TAFA2: variants seen among roughly 807,000 people sequenced by gnomAD.
The protein encoded by TAFA2 is chemokine-like protein TAFA-2.
Under a neutral mutation model 18.8 loss-of-function variants are expected in TAFA2, and 7 were observed. That is an observed-to-expected ratio of 0.37 (90% CI 0.21 to 0.70). The LOEUF (loss-of-function observed/expected upper bound fraction) is 0.70, where lower values mean the gene tolerates loss of function less well. Ranked by LOEUF, TAFA2 falls within the 30% of genes least tolerant of loss-of-function variation. The probability of loss-of-function intolerance (pLI) is 0.53; values close to 1 mark genes in which losing one functional copy is unlikely to be tolerated. For missense variants in TAFA2, 122 were observed against 158.1 expected, an observed-to-expected ratio of 0.77 and a Z score of 1.23; for synonymous variants, 60 against 54.2, an observed-to-expected ratio of 1.11 and a Z score of -0.47.
At chr12:62,108,596 CCCA>C (rs1388608397) in intron 1 of TAFA2, among the ~76,000 whole-genome samples, 3 of 152,200 alleles carry the variant, frequency 2.0e-5, no homozygotes, top group Non-Finnish European at 4.4e-5. Context: ...AATTTACACT[CCCA>C]CCAACAGTGT....
At chr12:61,912,043 G>C (rs1400589552) in intron 1 of TAFA2, among the ~76,000 whole-genome samples, 3 of 152,164 alleles carry the variant, frequency 2.0e-5, no homozygotes, top group Non-Finnish European at 4.4e-5. Flanking sequence ...AATTTATCAA[G>C]TGCCTGTGTG....
intron 2 of TAFA2, among the ~76,000 whole-genome samples, chr12:61,790,598 AAAC>A (rs990645524): frequency 2.9e-4 from 44 of 151,958 alleles, no homozygotes; most frequent in African/African-American, 1.0e-3. Context: ...AAAATGAAGA[AAAC>A]AATCACTTTT....
At chr12:62,230,866 A>T (rs1359310034) in intron 1 of TAFA2, among the ~76,000 whole-genome samples, 1 of 152,290 alleles carries the variant, frequency 6.6e-6, no homozygotes, top group East Asian at 1.9e-4. Flanking sequence ...CATAGAGATG[A>T]GGTATCACTA....
chr12:62,145,875 C>T (rs912341813), intron 1 of TAFA2, among the ~76,000 whole-genome samples: 3 of 152,220 alleles, frequency 2.0e-5, no homozygotes, highest in African/African-American at 7.2e-5. Context: ...AAGTGTTATA[C>T]CCCACAGCCT....
intron 1 of TAFA2, among the ~76,000 whole-genome samples, chr12:61,941,813 A>G (rs1358099047): frequency 2.8e-4 from 42 of 151,040 alleles, no homozygotes; most frequent in African/African-American, 8.5e-4. Flanking sequence ...TGCCCACGGA[A>G]TCTCGCTGAT....
chr12:62,084,117 A>T (rs1426468690), intron 1 of TAFA2, among the ~76,000 whole-genome samples: 1 of 152,220 alleles, frequency 6.6e-6, no homozygotes, highest in Non-Finnish European at 1.5e-5. Context: ...AGGTAAGCAA[A>T]GAGAAACAAA....
At chr12:61,819,680 G>A (rs1872239601) in intron 2 of TAFA2, among the ~76,000 whole-genome samples, 2 of 152,080 alleles carry the variant, frequency 1.3e-5, no homozygotes, top group Admixed American at 1.3e-4. Context: ...AAATTCCACT[G>A]CATCCAGATG....
chr12:61,879,501 A>G, intron 1 of TAFA2: 2 of 700,942 alleles, frequency 2.9e-6, no homozygotes, highest in Non-Finnish European at 5.2e-6. Context: ...GCGGTATTGG[A>G]GGGATCACTG....
intron 1 of TAFA2, among the ~76,000 whole-genome samples, chr12:62,110,389 A>C (rs1200576269): frequency 6.6e-6 from 1 of 151,976 alleles, no homozygotes; most frequent in Non-Finnish European, 1.5e-5. Context: ...CAAGTATTTT[A>C]TTGAGGATTT....
At chr12:62,139,920 G>A (rs943761716) in intron 1 of TAFA2, 1 of 152,172 alleles carries the variant, frequency 6.6e-6, no homozygotes, top group Non-Finnish European at 1.5e-5. Context: ...TCACTACCAT[G>A]TGGGTACTCA....
intron 1 of TAFA2, among the ~76,000 whole-genome samples, chr12:61,907,293 C>T (rs796853980): frequency 2.0e-5 from 3 of 152,014 alleles, no homozygotes; most frequent in African/African-American, 7.2e-5. Context: ...GTGCCCTACT[C>T]TTCTATGCAG....
chr12:61,761,622 GC>G (rs1246584972), intron 2 of TAFA2, among the ~76,000 whole-genome samples: 1 of 151,984 alleles, frequency 6.6e-6, no homozygotes, highest in East Asian at 1.9e-4. Context: ...TTTTATCAAT[GC>G]AATAACCACT....
chr12:62,045,521 A>G (rs1004681931), intron 1 of TAFA2, among the ~76,000 whole-genome samples: 5 of 152,188 alleles, frequency 3.3e-5, no homozygotes, highest in African/African-American at 1.2e-4. Flanking sequence ...AGTGCTGTGG[A>G]TTCTGAAATT....
At chr12:61,787,077 A>G (rs1449478247) in intron 2 of TAFA2, among the ~76,000 whole-genome samples, 1 of 151,552 alleles carries the variant, frequency 6.6e-6, no homozygotes, top group Non-Finnish European at 1.5e-5. Context: ...AAAAGATTAG[A>G]TGAAACAGCA....
chr12:62,079,601 T>C (rs1378788246), intron 1 of TAFA2, among the ~76,000 whole-genome samples: 1 of 151,454 alleles, frequency 6.6e-6, no homozygotes. Context: ...GAAGTAGAGG[T>C]TGCAGTAAGC....
At position 61,789,284 on chromosome 12, in the gene TAFA2, T is replaced by A. The variant is rs1183986120; in HGVS notation, c.107-34260A>T. On this transcript the variant is annotated intron_variant, in intron 2 of 4. Coordinates refer to ENST00000416284, the MANE Select transcript of TAFA2 (RefSeq NM_178539.5). ...GGATTTTACAGTTTTAGGTCTTACA[T>A]TTAAGTCTTTATTTCATCTTGAGTT... Among the ~76,000 whole-genome samples, 4 of 151,974 alleles carry A rather than the reference T, an allele frequency of 2.6e-5. No homozygotes were observed. The East Asian group carries it at 7.7e-4, about 29-fold the overall frequency.
intron 1 of TAFA2, among the ~76,000 whole-genome samples, chr12:61,950,863 T>G (rs760947040): frequency 1.4e-4 from 22 of 152,092 alleles, no homozygotes; most frequent in Non-Finnish European, 2.8e-4. Flanking sequence ...AATAAATAAA[T>G]GGCATGCAGC....
At chr12:62,228,657 T>C (rs1176334488) in intron 1 of TAFA2, among the ~76,000 whole-genome samples, 1 of 152,200 alleles carries the variant, frequency 6.6e-6, no homozygotes, top group Non-Finnish European at 1.5e-5. Flanking sequence ...ACTCAGGTAG[T>C]GTGATATCTC....
chr12:62,102,368 A>G (rs2136851463), intron 1 of TAFA2, among the ~76,000 whole-genome samples: 1 of 152,338 alleles, frequency 6.6e-6, no homozygotes, highest in East Asian at 1.9e-4. Context: ...ATTTTTCTTC[A>G]GAAAAGTGTA....
Sources: allele counts gnomAD v4.1 joint callset (sites outside exome capture counted in the v4.1 genomes callset), GRCh38; gene constraint gnomAD v4.1.1; transcripts MANE v1.5; gene names NCBI Gene and HGNC (gene_info 2026-07-23, HGNC 2026-07-21).